KDM3B: variants seen among roughly 807,000 people sequenced by gnomAD.
KDM3B encodes the protein lysine-specific demethylase 3B.
In KDM3B, 10 loss-of-function variants were observed where a neutral mutation model predicts 170.0. The observed-to-expected ratio is 0.06, with a 90% CI of 0.04 to 0.10. The LOEUF (loss-of-function observed/expected upper bound fraction) is 0.10, where lower values mean the gene tolerates loss of function less well. Ranked by LOEUF, KDM3B falls within the 10% of genes least tolerant of loss-of-function variation. KDM3B has a pLI of 1.00. For synonymous variants in KDM3B, 831 were observed against 834.8 expected (o/e 1.00, Z 0.08); for missense variants, 1,394 against 2,195.2 (o/e 0.64, Z 7.29).
intron 11 of KDM3B, among the ~76,000 whole-genome samples, chr5:138,407,265 T>G (rs1762847740): frequency 6.6e-6 from 1 of 152,080 alleles, no homozygotes. Flanking sequence ...GGATTACAGG[T>G]GTGAGCCACC....
At position 138,419,734 on chromosome 5, in the gene KDM3B, C is replaced by T. The variant is rs1363918681; in HGVS notation, c.3715+502C>T. On this transcript the variant is annotated intron_variant, in intron 14 of 23. Coordinates refer to ENST00000314358, the MANE Select transcript of KDM3B (RefSeq NM_016604.4). Reference sequence around the variant, plus strand: ...ACATATATATACACACACATACACACACACACACACACACACACACACACA... The same window carrying T: ...ACATATATATACACACACATACACATACACACACACACACACACACACACA... 6.2e-3 allele frequency among the ~76,000 whole-genome samples: 373 copies of T among 60,398 alleles called. 4 individuals carry two copies. Among genetic ancestry groups the T allele is most frequent in the Middle Eastern group, 0.037 (4 of 108 alleles). 39.6% of individuals were successfully genotyped at this position (60,398 alleles called of 152,430 possible). A position where few individuals can be genotyped will look rare whatever the true frequency, so the allele number is the denominator to read the frequency against.
intron 23 of KDM3B, among the ~76,000 whole-genome samples, chr5:138,433,148 G>C (rs1340674501): frequency 5.1e-5 from 7 of 137,684 alleles, no homozygotes; most frequent in African/African-American, 1.9e-4. Flanking sequence ...TTCTCAGTCT[G>C]TCACCCATGC....
chr5:138,388,259 G>C (rs1447211772), intron 7 of KDM3B, among the ~76,000 whole-genome samples: 1 of 152,092 alleles, frequency 6.6e-6, no homozygotes, highest in East Asian at 1.9e-4. Flanking sequence ...CTTTTAAACA[G>C]GTTGAGGGAA....
chr5:138,420,669 T>G (rs1763249584), intron 14 of KDM3B, 37 bp from the exon 15 acceptor site: 6 of 1,609,772 alleles, frequency 3.7e-6, no homozygotes, highest in Non-Finnish European at 5.1e-6. Context: ...ATTATTCCTT[T>G]TTGTACCTAA....
intron 1 of KDM3B, among the ~76,000 whole-genome samples, chr5:138,357,664 T>C (rs1761486443): frequency 6.6e-6 from 1 of 150,858 alleles, no homozygotes; most frequent in African/African-American, 2.4e-5. Context: ...CCAGCCAACA[T>C]TTTTGTTTAT....
chr5:138,390,677 A>G (rs1203117565), intron 7 of KDM3B, among the ~76,000 whole-genome samples: 1 of 152,180 alleles, frequency 6.6e-6, no homozygotes, highest in Non-Finnish European at 1.5e-5. Flanking sequence ...CCAGTTCCTT[A>G]GAGGAGCTCT....
chr5:138,388,589 CA>C (rs1216215340), intron 7 of KDM3B, among the ~76,000 whole-genome samples: 1 of 144,542 alleles, frequency 6.9e-6, no homozygotes, highest in African/African-American at 2.6e-5. Flanking sequence ...CCAAGAGAGC[CA>C]AGATTGTGCC....
chr5:138,427,356 CTGT>C (rs1561796394), intron 19 of KDM3B, 37 bp downstream of exon 19: 1 of 1,588,180 alleles, frequency 6.3e-7, no homozygotes, highest in Non-Finnish European at 8.6e-7. Context: ...TTTTGGGGGA[CTGT>C]TGTTCTTATT....
chr5:138,427,356 C>G, intron 19 of KDM3B, 37 bp downstream of exon 19: 1 of 1,588,180 alleles, frequency 6.3e-7, no homozygotes, highest in South Asian at 1.1e-5. Flanking sequence ...TTTTGGGGGA[C>G]TGTTGTTCTT....
chr5:138,358,605 CTT>C (rs35026136), intron 1 of KDM3B, among the ~76,000 whole-genome samples: 4 of 145,378 alleles, frequency 2.8e-5, no homozygotes, highest in Non-Finnish European at 1.5e-5. Context: ...CGCACCCAGC[CTT>C]TTTTTTTTTG....
intron 11 of KDM3B, among the ~76,000 whole-genome samples, chr5:138,412,765 C>G (rs1010340580): frequency 2.8e-4 from 42 of 152,192 alleles, no homozygotes; most frequent in African/African-American, 9.9e-4. Context: ...GAGGTTGACA[C>G]CAGCCTGGGC....
chr5:138,423,813 T>G (rs1763331228), intron 15 of KDM3B, among the ~76,000 whole-genome samples: 1 of 152,238 alleles, frequency 6.6e-6, no homozygotes, highest in Non-Finnish European at 1.5e-5. Context: ...CAAAGGTATT[T>G]CTTAGGTCTC....
chr5:138,387,372 CTAT>C (rs1199664914), intron 7 of KDM3B, among the ~76,000 whole-genome samples: 2 of 152,004 alleles, frequency 1.3e-5, no homozygotes, highest in Non-Finnish European at 2.9e-5. Context: ...CCCCAAACAG[CTAT>C]TAACTCAAGC....
intron 7 of KDM3B, among the ~76,000 whole-genome samples, chr5:138,389,201 GT>G (rs746927199): frequency 3.9e-5 from 6 of 152,252 alleles, no homozygotes; most frequent in Non-Finnish European, 8.8e-5. Flanking sequence ...TTACTGGTTA[GT>G]AGGAAGATAA....
Position 138,398,862 on chromosome 5 carries a change from T to C in KDM3B, c.3046+470T>C, listed in dbSNP as rs560555081. On this transcript the variant is annotated intron_variant, in intron 10 of 23. Coordinates refer to ENST00000314358, the MANE Select transcript of KDM3B (RefSeq NM_016604.4). ...CTATTTTCCAGACTAAGAAAAATTA[T>C]ACTGTGAAATTATATCCTAAATTTC... Among the ~76,000 whole-genome samples, 197 of 151,910 alleles carry C rather than the reference T, an allele frequency of 1.3e-3. 1 individual carries two copies. The highest frequency in any genetic ancestry group is 4.4e-3 in the African/African-American group (182 of 41,482).
chr5:138,408,240 C>T (rs1249289797), intron 11 of KDM3B, among the ~76,000 whole-genome samples: 2 of 152,058 alleles, frequency 1.3e-5, no homozygotes, highest in African/African-American at 2.4e-5. Flanking sequence ...GTAAATCAGA[C>T]GCCGCCGCCT....
intron 23 of KDM3B, among the ~76,000 whole-genome samples, chr5:138,431,912 CAA>C (rs551330545): frequency 2.6e-5 from 3 of 115,936 alleles, no homozygotes; most frequent in Admixed American, 8.8e-5. Flanking sequence ...ACTCCCATCT[CAA>C]AAAAAAAAAA....
intron 6 of KDM3B, among the ~76,000 whole-genome samples, chr5:138,382,300 A>T (rs1762144919): frequency 6.6e-6 from 1 of 152,044 alleles, no homozygotes; most frequent in Non-Finnish European, 1.5e-5. Flanking sequence ...TACAAAAAAA[A>T]AAATAGCCAG....
intron 9 of KDM3B, 81 bp from the exon 10 acceptor site, chr5:138,398,097 T>G (rs1762591161): frequency 1.9e-5 from 20 of 1,066,396 alleles, no homozygotes; most frequent in Non-Finnish European, 2.6e-5. Flanking sequence ...CTCATTTTAC[T>G]TCTGTTTAGG....
Sources: gnomAD v4.1 joint callset for allele counts (sites outside exome capture counted in the v4.1 genomes callset) on GRCh38, gnomAD v4.1.1 for gene constraint, MANE v1.5 for transcripts, NCBI Gene and HGNC (gene_info 2026-07-23, HGNC 2026-07-21) for gene names.